CPAMD8: variants seen among roughly 807,000 people sequenced by gnomAD.
CPAMD8 encodes the protein C3 and PZP-like alpha-2-macroglobulin domain-containing protein 8.
CPAMD8 carries 146 observed loss-of-function variants against 224.7 expected under a neutral mutation model. The observed-to-expected ratio is 0.65, with a 90% CI of 0.57 to 0.75. The LOEUF (loss-of-function observed/expected upper bound fraction) is 0.75, where lower values mean the gene tolerates loss of function less well. CPAMD8 is among the 30% of genes least tolerant of loss of function. The pLI is 0.00. For synonymous variants in CPAMD8, 966 were observed against 1,044.6 expected, an observed-to-expected ratio of 0.92 and a Z score of 1.45; for missense variants, 2,301 against 2,537.5, an observed-to-expected ratio of 0.91 and a Z score of 2.00.
chr19:16,954,581 A>G (rs2054402682), intron 19 of CPAMD8, among the ~76,000 whole-genome samples: 1 of 152,216 alleles, frequency 6.6e-6, no homozygotes, highest in African/African-American at 2.4e-5. Flanking sequence ...CCCTGTTCAC[A>G]GCATTATTCA....
intron 11 of CPAMD8, among the ~76,000 whole-genome samples, chr19:16,995,298 T>C (rs1055787079): frequency 2.0e-5 from 3 of 152,256 alleles, no homozygotes; most frequent in Non-Finnish European, 4.4e-5. Context: ...GGGCCAGGGA[T>C]GTGGCCCACT....
chr19:16,957,643 A>C (rs975867370), intron 19 of CPAMD8: 1 of 603,600 alleles, frequency 1.7e-6, no homozygotes, highest in African/African-American at 1.8e-5. Context: ...AAGCCCTTGC[A>C]TTTCATATTT....
In CPAMD8 at chr19:16,977,377, G is replaced by A. The variant is rs776271256; in HGVS notation, c.1749C>T (p.Phe583=). ...DSLQFAVETF[F]ENQVSVTYSA... The stretch of plus-strand genomic sequence containing the variant: ...GTGCACGATGCTCTACCTGGTTTTC[G>A]AAGAAGGTCTCGACTGCAAACTGAA... Residue 583 remains phenylalanine, a synonymous_variant, in exon 15 of 42, where the codon TTC becomes TTT. Transcript: ENST00000443236. 8.1e-6 allele frequency: 13 copies of A among 1,610,264 alleles called. No individual in the cohort carries two copies. In the East Asian group the frequency reaches 8.9e-5, roughly 11 times the overall value.
chr19:16,983,399 AAAATAAAT>A (rs55638415), intron 13 of CPAMD8, among the ~76,000 whole-genome samples: 2,425 of 150,362 alleles, frequency 0.016, 64 homozygotes, highest in African/African-American at 0.054. Context: ...ACTCCATCTC[AAAATAAAT>A]AAATAAATAA....
At chr19:16,979,927 T>C (rs1330295386) in intron 14 of CPAMD8, among the ~76,000 whole-genome samples, 1 of 152,142 alleles carries the variant, frequency 6.6e-6, no homozygotes, top group Admixed American at 6.5e-5. Flanking sequence ...GGAGACTCTT[T>C]AGGTCATCAT....
chr19:16,922,585 G>A lies in CPAMD8; in HGVS notation c.3548-599C>T, dbSNP rs548970975. The stretch of plus-strand genomic sequence containing the variant: ...TACCCACAGCACATCTGGGGTCCCC[G>A]AAACTGCTCCACATCACATCTAGAG... On this transcript the variant is annotated intron_variant, in intron 26 of 41. Coordinates refer to ENST00000443236, the MANE Select transcript of CPAMD8 (RefSeq NM_015692.5). Among the ~76,000 whole-genome samples, 5 of 150,176 alleles carry A rather than the reference G, an allele frequency of 3.3e-5. No individual in the cohort carries two copies. In the East Asian group the frequency reaches 7.9e-4, roughly 24 times the overall value.
In CPAMD8 at chr19:16,951,845, G is replaced by A. The variant is rs138036551; in HGVS notation, c.2508+124C>T. 7.6e-4 allele frequency: 501 copies of A among 658,030 alleles called. 4 individuals are homozygous for A. The East Asian group carries it at 0.014, about 19-fold the overall frequency. The allele number at this position is 658,030 out of a possible 1,614,324, so 40.8% of individuals were successfully genotyped here. A position where few individuals can be genotyped will look rare whatever the true frequency, so the allele number is the denominator to read the frequency against. ...CCATCCCTGCCTCCTCAACATCATA[G>A]AGGCTCTCGCCCTCCTAAATCCCCC... is the stretch of plus-strand genomic sequence containing the variant. On this transcript the variant is annotated intron_variant, in intron 20 of 41. Transcript: ENST00000443236.
At position 16,998,471 on chromosome 19, in the gene CPAMD8, T is replaced by A. The variant is rs148958210; in HGVS notation, c.868-1133A>T. Among the ~76,000 whole-genome samples the A allele has an allele frequency of 6.4e-3, 973 of 152,120 alleles. 6 individuals are homozygous for A. The highest frequency in any genetic ancestry group is 0.02 in the African/African-American group (837 of 41,512). On this transcript the variant is annotated intron_variant, in intron 10 of 41. Transcript: ENST00000443236. The stretch of plus-strand genomic sequence containing the variant: ...AGAGACTCCATCTCAATAAATAAAT[T>A]AATTAAATTAAATTAAATTAAAGAT...
chr19:16,955,720 A>G (rs561425719), intron 19 of CPAMD8, among the ~76,000 whole-genome samples: 82 of 152,326 alleles, frequency 5.4e-4, no homozygotes, highest in South Asian at 1.4e-3. Context: ...TCTGTAGCCC[A>G]GGCTGGAGTG....
At position 17,007,003 on chromosome 19, in the gene CPAMD8, G is replaced by A. The variant is rs539205135; in HGVS notation, c.559+1502C>T. Among the ~76,000 whole-genome samples, 16 of 152,284 alleles carry A rather than the reference G, an allele frequency of 1.1e-4. No individual in the cohort carries two copies. In the East Asian group the frequency reaches 2.9e-3, roughly 28 times the overall value. On this transcript the variant is annotated intron_variant, in intron 7 of 41. Transcript: ENST00000443236. ...AGACAGCAATCAAGGGAACGAGAGG[G>A]AGTAAAGAAGGCAGACAGGGAAGAT... is the stretch of plus-strand genomic sequence containing the variant.
chr19:17,015,099 AG>A (rs768146765), intron 3 of CPAMD8, among the ~76,000 whole-genome samples: 7 of 152,174 alleles, frequency 4.6e-5, no homozygotes, highest in Non-Finnish European at 8.8e-5. Flanking sequence ...AAAATTAGCC[AG>A]GTGTGATGGC....
At chr19:16,961,109 G>A (rs541836220) in intron 18 of CPAMD8, among the ~76,000 whole-genome samples, 48 of 152,272 alleles carry the variant, frequency 3.2e-4, no homozygotes, top group African/African-American at 1.1e-3. Flanking sequence ...CACGGAAGAT[G>A]GGTGATTTCT....
At position 16,945,698 on chromosome 19, in the gene CPAMD8, T is replaced by C. The variant is rs761305925; in HGVS notation, c.2663-19A>G. On this transcript the variant is annotated intron_variant, in intron 21 of 41. Coordinates refer to ENST00000443236, the MANE Select transcript of CPAMD8 (RefSeq NM_015692.5). The stretch of plus-strand genomic sequence containing the variant: ...GCTTTGGCTGCAGAAATTTGATGTC[T>C]TGGTCTCAGAACAGGTCTCCACCCA... 3.6e-5 allele frequency: 58 copies of C among 1,613,490 alleles called. No individual in the cohort carries two copies. Among genetic ancestry groups the C allele is most frequent in the Non-Finnish European group, 4.0e-5 (47 of 1,179,548 alleles).
chr19:17,008,691 T>C (rs1016152785), intron 6 of CPAMD8, 132 bp from the exon 7 acceptor site: 4 of 1,029,032 alleles, frequency 3.9e-6, no homozygotes, highest in Admixed American at 1.8e-5. Context: ...AGATTAATCA[T>C]TAACCCCGGG....
chr19:16,933,899 T>C (rs1258873142), intron 23 of CPAMD8, among the ~76,000 whole-genome samples: 2 of 152,176 alleles, frequency 1.3e-5, no homozygotes, highest in African/African-American at 4.8e-5. Flanking sequence ...AATAGTAGCT[T>C]TATTTGAGAT....
At chr19:16,964,921 G>A (rs2054777263) in intron 18 of CPAMD8, among the ~76,000 whole-genome samples, 1 of 152,020 alleles carries the variant, frequency 6.6e-6, no homozygotes, top group Admixed American at 6.6e-5. Flanking sequence ...CCATCACATA[G>A]ACAGAACCAT....
rs565939425 is a variant in CPAMD8, at chr19:16,993,667, A to G, written c.1096-81T>C. On this transcript the variant is annotated intron_variant, in intron 11 of 41. Transcript: ENST00000443236. ...GATCTGCAGAATCAACGCAATCCCCACTGGAATCCCAGCAGGCTTCTTTGT... is the reference window on the plus strand; with the variant it reads ...GATCTGCAGAATCAACGCAATCCCCGCTGGAATCCCAGCAGGCTTCTTTGT... 6 of 1,281,444 alleles carry G rather than the reference A, an allele frequency of 4.7e-6. No individual in the cohort carries two copies. The South Asian group carries it at 8.3e-5, about 18-fold the overall frequency. The allele number at this position is 1,281,444 out of a possible 1,614,324, so 79.4% of individuals were successfully genotyped here.
chr19:16,955,265 A>G (rs1346934819), intron 19 of CPAMD8, among the ~76,000 whole-genome samples: 1 of 151,670 alleles, frequency 6.6e-6, no homozygotes, highest in Non-Finnish European at 1.5e-5. Context: ...ACTGCACTCC[A>G]GCCTGGTGAC....
intron 7 of CPAMD8, among the ~76,000 whole-genome samples, chr19:17,005,925 C>A (rs2056479539): frequency 6.6e-6 from 1 of 151,878 alleles, no homozygotes; most frequent in African/African-American, 2.4e-5. Flanking sequence ...GGCACAGTCA[C>A]CCTGGTTGAG....
Sources: allele counts gnomAD v4.1 joint callset (sites outside exome capture counted in the v4.1 genomes callset), GRCh38; gene constraint gnomAD v4.1.1; transcripts MANE v1.5; gene names NCBI Gene and HGNC (gene_info 2026-07-23, HGNC 2026-07-21).